NPAS3: variants seen among roughly 807,000 people sequenced by gnomAD.
NPAS3 encodes neuronal PAS domain protein 3.
NPAS3 carries 14 observed loss-of-function variants against 73.1 expected under a neutral mutation model. The ratio of observed to expected loss-of-function variants is 0.19; its 90% CI spans 0.13 to 0.30. NPAS3 has a LOEUF of 0.30. NPAS3 is among the 10% of genes least tolerant of loss of function. NPAS3 has a pLI of 1.00. For missense variants in NPAS3, 1,096 were observed against 1,250.0 expected (o/e 0.88, Z 1.86); for synonymous variants, 620 against 541.5 (o/e 1.14, Z -2.01).
intron 5 of NPAS3, among the ~76,000 whole-genome samples, chr14:33,630,966 A>G (rs1035609211): frequency 3.9e-5 from 6 of 152,202 alleles, no homozygotes; most frequent in African/African-American, 1.4e-4. Flanking sequence ...GTCTGAGACT[A>G]TTCTTTGTTT....
At chr14:33,076,082 T>C (rs943386074) in intron 2 of NPAS3, among the ~76,000 whole-genome samples, 1 of 152,298 alleles carries the variant, frequency 6.6e-6, no homozygotes, top group Non-Finnish European at 1.5e-5. Flanking sequence ...ACCCATCTTG[T>C]ATTTCTATCT....
chr14:33,303,518 A>G (rs551393927), intron 3 of NPAS3, among the ~76,000 whole-genome samples: 1 of 152,276 alleles, frequency 6.6e-6, no homozygotes, highest in Non-Finnish European at 1.5e-5. Context: ...GAGTTATTCT[A>G]TGGTAGTTCT....
At chr14:33,598,935 G>A (rs2057323160) in intron 5 of NPAS3, among the ~76,000 whole-genome samples, 1 of 152,132 alleles carries the variant, frequency 6.6e-6, no homozygotes, top group Non-Finnish European at 1.5e-5. Flanking sequence ...TAAAATAAAG[G>A]CTATTTTATA....
chr14:33,584,605 T>A (rs1298933905), intron 5 of NPAS3, among the ~76,000 whole-genome samples: 2 of 152,148 alleles, frequency 1.3e-5, no homozygotes, highest in Non-Finnish European at 2.9e-5. Context: ...ATACTTAAAC[T>A]TCTAGCCAAC....
intron 6 of NPAS3, among the ~76,000 whole-genome samples, chr14:33,683,471 G>A (rs2060000120): frequency 6.9e-6 from 1 of 143,910 alleles, no homozygotes; most frequent in South Asian, 2.2e-4. Flanking sequence ...CTCTGTCATT[G>A]GATAATTAAA....
rs535592185 is a variant in NPAS3 at position 33,797,219 on chromosome 14, C to A, written c.1302-238C>A. On this transcript the variant is annotated intron_variant, in intron 10 of 11. Coordinates refer to ENST00000356141, the Ensembl canonical transcript of NPAS3. ...GGTACCTGATTATTTAAAAGCTTCT[C>A]TCCATGGCTTTCAGGGATTTGGGTA... Among the ~76,000 whole-genome samples the A allele has an allele frequency of 2.0e-5, 3 of 152,322 alleles. No homozygotes were observed. The East Asian group carries it at 5.8e-4, about 29-fold the overall frequency.
intron 1 of NPAS3, among the ~76,000 whole-genome samples, chr14:32,953,549 C>T (rs576448752): frequency 3.3e-5 from 5 of 152,114 alleles, no homozygotes; most frequent in African/African-American, 1.2e-4. Flanking sequence ...ATCAGTTATT[C>T]GAGGGGGTCT....
intron 1 of NPAS3, among the ~76,000 whole-genome samples, chr14:33,001,596 C>T (rs1264197956): frequency 6.6e-6 from 1 of 152,042 alleles, no homozygotes; most frequent in Non-Finnish European, 1.5e-5. Context: ...TCTCTTCATT[C>T]TTGTATTACC....
At chr14:33,208,476 T>A (rs2046912294) in intron 2 of NPAS3, among the ~76,000 whole-genome samples, 1 of 152,178 alleles carries the variant, frequency 6.6e-6, no homozygotes, top group Admixed American at 6.6e-5. Flanking sequence ...ATGGCTTTAA[T>A]TACTCTTTTG....
At chr14:33,422,728 A>G (rs1037129655) in intron 4 of NPAS3, among the ~76,000 whole-genome samples, 9 of 151,946 alleles carry the variant, frequency 5.9e-5, no homozygotes, top group Non-Finnish European at 1.3e-4. Context: ...ATAATTTTCC[A>G]TATGTTTCTA....
chr14:33,780,811 C>CCTG, intron 9 of NPAS3: 2 of 285,100 alleles, frequency 7.0e-6, no homozygotes, highest in South Asian at 3.1e-5. Context: ...CACTATTGTG[C>CCTG]TATTCTCCTA....
intron 4 of NPAS3, among the ~76,000 whole-genome samples, chr14:33,446,244 C>T (rs1245782065): frequency 1.4e-5 from 2 of 146,552 alleles, no homozygotes; most frequent in East Asian, 2.1e-4. Flanking sequence ...GGCGCAATCT[C>T]GGCTCACTGC....
At chr14:33,595,405 G>A (rs1157144411) in intron 5 of NPAS3, among the ~76,000 whole-genome samples, 1 of 151,930 alleles carries the variant, frequency 6.6e-6, no homozygotes, top group Admixed American at 6.6e-5. Context: ...TTAATAAACT[G>A]GAGAAATCGG....
intron 4 of NPAS3, among the ~76,000 whole-genome samples, chr14:33,544,403 G>A (rs1378391630): frequency 6.6e-6 from 1 of 152,120 alleles, no homozygotes. Flanking sequence ...AATTCCCAAT[G>A]TGACAGTGTT....
intron 2 of NPAS3, among the ~76,000 whole-genome samples, chr14:33,083,773 C>T (rs1228870700): frequency 6.6e-6 from 1 of 152,134 alleles, no homozygotes; most frequent in Non-Finnish European, 1.5e-5. Flanking sequence ...CGTGGGATCC[C>T]CAGTGTGAGA....
At chr14:33,628,919 A>G (rs1310435124) in intron 5 of NPAS3, among the ~76,000 whole-genome samples, 1 of 152,184 alleles carries the variant, frequency 6.6e-6, no homozygotes, top group Non-Finnish European at 1.5e-5. Flanking sequence ...TGAACATCCA[A>G]TGCATAGTTG....
intron 1 of NPAS3, among the ~76,000 whole-genome samples, chr14:33,038,447 T>C (rs1373621037): frequency 6.6e-6 from 1 of 152,136 alleles, no homozygotes; most frequent in East Asian, 1.9e-4. Context: ...AACAAATATT[T>C]CTAAAAAGTC....
At chr14:33,006,274 T>C (rs2039000303) in intron 1 of NPAS3, among the ~76,000 whole-genome samples, 2 of 152,206 alleles carry the variant, frequency 1.3e-5, no homozygotes, top group Non-Finnish European at 2.9e-5. Flanking sequence ...TTTGTGGTTG[T>C]GCCTGGGACA....
At chr14:33,775,872 A>G (rs1490796841) in intron 8 of NPAS3, among the ~76,000 whole-genome samples, 1 of 152,190 alleles carries the variant, frequency 6.6e-6, no homozygotes, top group Non-Finnish European at 1.5e-5. Flanking sequence ...CTTACTACAC[A>G]TGGGGCGTGT....
Sources: allele counts gnomAD v4.1 joint callset (sites outside exome capture counted in the v4.1 genomes callset), GRCh38; gene constraint gnomAD v4.1.1; transcripts MANE v1.5; gene names NCBI Gene and HGNC (gene_info 2026-07-23, HGNC 2026-07-21).